Variants in CWF19L2 observed in about 807,000 individuals in gnomAD.
The protein encoded by CWF19L2 is CWF19 like cell cycle control factor 2.
CWF19L2 carries 98 observed loss-of-function variants against 111.7 expected under a neutral mutation model. That is an observed-to-expected ratio of 0.88 (90% CI 0.75 to 1.04). The LOEUF (loss-of-function observed/expected upper bound fraction) is 1.04, where lower values mean the gene tolerates loss of function less well. Among genes scored for constraint, CWF19L2 ranks in the 50% least tolerant of loss-of-function variants. The pLI, the probability that CWF19L2 is intolerant of heterozygous loss-of-function variation, is 0.00. For missense variants in CWF19L2, 1,101 were observed against 1,051.4 expected (o/e 1.05, Z -0.65); for synonymous variants, 351 against 342.9 (o/e 1.02, Z -0.26).
intron 12 of CWF19L2, among the ~76,000 whole-genome samples, chr11:107,358,905 C>A (rs555114986): frequency 7.9e-5 from 12 of 152,244 alleles, no homozygotes; most frequent in African/African-American, 2.9e-4. Context: ...GCTGGATGGT[C>A]AGGGACTTAG....
chr11:107,454,096 G>C (rs1220920230), intron 3 of CWF19L2, among the ~76,000 whole-genome samples: 3 of 152,210 alleles, frequency 2.0e-5, no homozygotes, highest in Admixed American at 2.0e-4. Flanking sequence ...CACCCTGAAG[G>C]GAAAGACGCA....
At chr11:107,426,016 T>C (rs1341626865) in intron 8 of CWF19L2, among the ~76,000 whole-genome samples, 1 of 151,856 alleles carries the variant, frequency 6.6e-6, no homozygotes, top group African/African-American at 2.4e-5. Flanking sequence ...CAGTGGACGT[T>C]TTTCTGCTAG....
At chr11:107,425,829 T>C (rs963300236) in intron 8 of CWF19L2, among the ~76,000 whole-genome samples, 37 of 151,986 alleles carry the variant, frequency 2.4e-4, no homozygotes, top group African/African-American at 8.9e-4. Context: ...TTTCTGATAT[T>C]AAATTTGTAA....
At chr11:107,353,768 A>G (rs754426477) in intron 12 of CWF19L2, 32 bp from the exon 13 acceptor site, 123 of 1,566,038 alleles carry the variant, frequency 7.9e-5, no homozygotes, top group Non-Finnish European at 1.1e-4. Context: ...AATAGAGAGT[A>G]GAAGGTAGTG....
intron 6 of CWF19L2, among the ~76,000 whole-genome samples, chr11:107,436,388 T>C (rs1861542064): frequency 6.7e-6 from 1 of 150,054 alleles, no homozygotes; most frequent in Admixed American, 6.7e-5. Flanking sequence ...TACACTGTTA[T>C]AGACCAAATA....
At chr11:107,334,700 C>G (rs10789620) in intron 16 of CWF19L2, among the ~76,000 whole-genome samples, 181 bp downstream of exon 16, 1 of 152,048 alleles carries the variant, frequency 6.6e-6, no homozygotes, top group African/African-American at 2.4e-5. Flanking sequence ...CAAATAAAAA[C>G]CCTCTACAAA....
chr11:107,357,184 T>C (rs1052105726), intron 12 of CWF19L2, among the ~76,000 whole-genome samples: 2 of 152,232 alleles, frequency 1.3e-5, no homozygotes, highest in African/African-American at 4.8e-5. Context: ...CTGCAGTGTC[T>C]GGCATATAAG....
intron 16 of CWF19L2, among the ~76,000 whole-genome samples, chr11:107,332,775 A>C (rs1859868648): frequency 6.6e-6 from 1 of 152,156 alleles, no homozygotes; most frequent in African/African-American, 2.4e-5. Context: ...AATTTTTCTT[A>C]TACTTATGTA....
At chr11:107,380,092 AATAAAAACTCT>A (rs922814646) in intron 12 of CWF19L2, among the ~76,000 whole-genome samples, 5 of 148,232 alleles carry the variant, frequency 3.4e-5, no homozygotes, top group Non-Finnish European at 5.9e-5. Flanking sequence ...AAGATCCTTG[AATAAAAACTCT>A]ATGAAAACTA....
At chr11:107,388,771 A>AT (rs758796421) in intron 12 of CWF19L2, among the ~76,000 whole-genome samples, 7 of 152,226 alleles carry the variant, frequency 4.6e-5, no homozygotes, top group African/African-American at 7.2e-5. Context: ...AAACTATTTA[A>AT]TTCAGACTTC....
intron 8 of CWF19L2, among the ~76,000 whole-genome samples, chr11:107,419,979 T>C (rs374351399): frequency 3.3e-5 from 5 of 151,878 alleles, no homozygotes; most frequent in African/African-American, 7.3e-5. Context: ...CACTTGAAGA[T>C]AGACTATGAT....
chr11:107,356,561 T>C (rs1860239794), intron 12 of CWF19L2, among the ~76,000 whole-genome samples: 1 of 152,222 alleles, frequency 6.6e-6, no homozygotes, highest in East Asian at 1.9e-4. Context: ...CCTTACAAAT[T>C]ATTATTTTAA....
intron 12 of CWF19L2, among the ~76,000 whole-genome samples, chr11:107,359,984 G>A (rs1011980988): frequency 2.0e-5 from 3 of 152,354 alleles, no homozygotes; most frequent in Admixed American, 1.3e-4. Flanking sequence ...CCTTGAGGGT[G>A]CCTCTTAGTA....
At chr11:107,403,819 C>G in intron 10 of CWF19L2, 1 of 837,968 alleles carries the variant, frequency 1.2e-6, no homozygotes, top group Non-Finnish European at 2.1e-6. Context: ...GACCGCACAA[C>G]CTTTTAAGTT....
At chr11:107,329,856 T>C in intron 17 of CWF19L2, 62 bp downstream of exon 17, 1 of 1,333,232 alleles carries the variant, frequency 7.5e-7, no homozygotes, top group Non-Finnish European at 1.0e-6. Context: ...TTTTATTTCC[T>C]TTCAAAAGAA....
rs117326043 is a variant in CWF19L2 at position 107,448,458 on chromosome 11, A to G, written c.340-5409T>C. Among the ~76,000 whole-genome samples the G allele has an allele frequency of 7.9e-5, 12 of 152,090 alleles. No individual in the cohort carries two copies. In the South Asian group the frequency reaches 1.7e-3, roughly 21 times the overall value. ...AAAAGGCTAGAAAGTAAGTGAACAC[A>G]GGCTCATCAACCTGTGAGACATTAT... On this transcript the variant is annotated intron_variant, in intron 3 of 17. Transcript: ENST00000282251.
At chr11:107,360,417 A>C (rs767431930) in intron 12 of CWF19L2, among the ~76,000 whole-genome samples, 1 of 152,226 alleles carries the variant, frequency 6.6e-6, no homozygotes, top group East Asian at 1.9e-4. Context: ...CATTATCTTT[A>C]ATCTTGTGAA....
chr11:107,435,450 T>C (rs1861528020), intron 6 of CWF19L2, among the ~76,000 whole-genome samples: 3 of 151,914 alleles, frequency 2.0e-5, no homozygotes, highest in Admixed American at 6.6e-5. Context: ...AAAATGCTGA[T>C]GGACATAGTA....
At chr11:107,453,316 G>GT (rs1177062699) in intron 3 of CWF19L2, among the ~76,000 whole-genome samples, 2 of 152,120 alleles carry the variant, frequency 1.3e-5, no homozygotes, top group East Asian at 3.9e-4. Flanking sequence ...CAATGGACAG[G>GT]TGGTTGGGGG....
Sources: allele counts gnomAD v4.1 joint callset (sites outside exome capture counted in the v4.1 genomes callset), GRCh38; gene constraint gnomAD v4.1.1; transcripts MANE v1.5; gene names NCBI Gene and HGNC (gene_info 2026-07-23, HGNC 2026-07-21).